The following CALN1 variants were observed in gnomAD, a reference collection of about 807,000 sequenced individuals.
CALN1 encodes calcium-binding protein 8.
CALN1 carries 17 observed loss-of-function variants against 30.6 expected under a neutral mutation model. The ratio of observed to expected loss-of-function variants is 0.56; its 90% CI spans 0.38 to 0.83. CALN1 has a LOEUF of 0.83. Among genes scored for constraint, CALN1 ranks in the 40% least tolerant of loss-of-function variants. The probability of loss-of-function intolerance (pLI) is 0.00; values close to 1 mark genes in which losing one functional copy is unlikely to be tolerated. For synonymous variants in CALN1, 156 were observed against 131.4 expected (o/e 1.19, Z -1.28); for missense variants, 291 against 354.9 (o/e 0.82, Z 1.45).
At position 72,079,761 on chromosome 7, in the gene CALN1, C is replaced by CTTTT. The variant is rs3065015; in HGVS notation, c.388+26386_388+26389dup. 6.6e-4 allele frequency among the ~76,000 whole-genome samples: 69 copies of CTTTT among 104,042 alleles called. 5 individuals are homozygous for CTTTT. The highest frequency in any genetic ancestry group is 2.4e-3 in the African/African-American group (59 of 25,056). The allele number at this position is 104,042 out of a possible 152,430, so 68.3% of individuals were successfully genotyped here. A position where few individuals can be genotyped will look rare whatever the true frequency, so the allele number is the denominator to read the frequency against. On this transcript the variant is annotated intron_variant, in intron 4 of 6. Coordinates refer to ENST00000395275, the MANE Select transcript of CALN1 (RefSeq NM_031468.4). ...AAATGCCCAAGAGGTTGCCTTTTTC[C>CTTTT]TTTTTTTTTTTTTTTTTTTTTTTTT...
intron 2 of CALN1, among the ~76,000 whole-genome samples, chr7:72,339,052 A>G (rs945712150): frequency 2.0e-5 from 3 of 151,652 alleles, no homozygotes; most frequent in Admixed American, 6.6e-5. Context: ...GATCCCATAA[A>G]TAAGTGAAAA....
At chr7:71,891,341 TC>T (rs930401578) in intron 5 of CALN1, among the ~76,000 whole-genome samples, 1 of 152,222 alleles carries the variant, frequency 6.6e-6, no homozygotes, top group African/African-American at 2.4e-5. Flanking sequence ...CAATTGCTTT[TC>T]AGAAGGCTCA....
At position 71,847,847 on chromosome 7, in the gene CALN1, G is replaced by GAAGAAGAAGAAGA. The variant is rs1562836015; in HGVS notation, c.502-37356_502-37355insTCTTCTTCTTCTT. Among the ~76,000 whole-genome samples, 134 of 134,900 alleles carry GAAGAAGAAGAAGA rather than the reference G, an allele frequency of 9.9e-4. 4 individuals are homozygous for GAAGAAGAAGAAGA. In the East Asian group the frequency reaches 0.022, roughly 22 times the overall value. The allele number at this position is 134,900 out of a possible 152,430, so 88.5% of individuals were successfully genotyped here. ...GGAGAAGGAGAAGGAGAAGGAGAAGGAGAAGAAGAAGAGGAAAGTTTTCCC... is the reference window on the plus strand; with the variant it reads ...GGAGAAGGAGAAGGAGAAGGAGAAGGAAGAAGAAGAAGAAGAAGAAGAAGAGGAAAGTTTTCCC... On this transcript the variant is annotated intron_variant, in intron 5 of 6. Coordinates refer to ENST00000395275, the MANE Select transcript of CALN1 (RefSeq NM_031468.4).
rs527666940 is a variant in CALN1 at position 72,390,239 on chromosome 7, G to A, written c.119+13012C>T. Among the ~76,000 whole-genome samples the A allele has an allele frequency of 8.1e-4, 123 of 152,130 alleles. 1 individual carries two copies. Among genetic ancestry groups the A allele is most frequent in the Non-Finnish European group, 1.3e-3 (89 of 68,032 alleles). ...AGGTCAGGAGTCCCAGACCAGCCTG[G>A]CCAACGTCGTGAAACACCACCTCTA... is the stretch of plus-strand genomic sequence containing the variant. On this transcript the variant is annotated intron_variant, in intron 2 of 6. Coordinates refer to ENST00000395275, the MANE Select transcript of CALN1 (RefSeq NM_031468.4).
At chr7:72,140,263 C>G (rs1809802239) in intron 3 of CALN1, among the ~76,000 whole-genome samples, 1 of 130,478 alleles carries the variant, frequency 7.7e-6, no homozygotes. Context: ...AGAGTGAGAC[C>G]TTGTCTCAAA....
chr7:72,054,488 T>TAC (rs1563015707), intron 4 of CALN1, among the ~76,000 whole-genome samples: 3 of 105,978 alleles, frequency 2.8e-5, no homozygotes, highest in South Asian at 2.9e-4. Context: ...TACATATATA[T>TAC]ATACATATAT....
chr7:72,214,939 T>C (rs1221476280), intron 3 of CALN1, among the ~76,000 whole-genome samples: 1 of 151,794 alleles, frequency 6.6e-6, no homozygotes, highest in Admixed American at 6.6e-5. Flanking sequence ...GATAGGACTA[T>C]CTAGTTGCAG....
chr7:72,151,431 T>C (rs1274510369), intron 3 of CALN1, among the ~76,000 whole-genome samples: 2 of 152,170 alleles, frequency 1.3e-5, no homozygotes, highest in African/African-American at 4.8e-5. Context: ...ACCTCGATTA[T>C]CTCAGTAAAG....
chr7:72,037,604 C>T (rs534477706), intron 4 of CALN1, among the ~76,000 whole-genome samples: 2 of 152,288 alleles, frequency 1.3e-5, no homozygotes, highest in East Asian at 1.9e-4. Context: ...TCATCAGTGA[C>T]CAGAACACAG....
intron 4 of CALN1, among the ~76,000 whole-genome samples, chr7:72,049,664 C>T (rs1275288869): frequency 6.6e-6 from 1 of 151,926 alleles, no homozygotes; most frequent in African/African-American, 2.4e-5. Flanking sequence ...TGCGCCACCA[C>T]GCCCGGCTAT....
chr7:72,258,251 GGC>G (rs1796045199), intron 3 of CALN1, among the ~76,000 whole-genome samples: 2 of 152,068 alleles, frequency 1.3e-5, no homozygotes, highest in Admixed American at 6.5e-5. Context: ...TTATCCATGG[GGC>G]AGCCCTAATT....
rs147738890 is a variant in CALN1, at chr7:72,013,757, T to C, written c.501+9900A>G. ...AATAGATGTAGGATGGTAATGTAAT[T>C]ATACTGTAAATTCCATCTCTATCTT... is the stretch of plus-strand genomic sequence containing the variant. On this transcript the variant is annotated intron_variant, in intron 5 of 6. Coordinates refer to ENST00000395275, the MANE Select transcript of CALN1 (RefSeq NM_031468.4). 2.6e-3 allele frequency among the ~76,000 whole-genome samples: 394 copies of C among 152,264 alleles called. 3 individuals carry two copies. The highest frequency in any genetic ancestry group is 4.7e-3 in the Admixed American group (72 of 15,292).
chr7:72,183,544 G>T (rs1789969667), intron 3 of CALN1, among the ~76,000 whole-genome samples: 1 of 152,172 alleles, frequency 6.6e-6, no homozygotes, highest in Non-Finnish European at 1.5e-5. Context: ...GAAGAGGAAT[G>T]AAGGATGACT....
At chr7:72,048,746 CTCCT>C (rs1563009513) in intron 4 of CALN1, among the ~76,000 whole-genome samples, 1 of 149,162 alleles carries the variant, frequency 6.7e-6, no homozygotes, top group Non-Finnish European at 1.5e-5. Flanking sequence ...TCTTCTCTGC[CTCCT>C]TCCTTCCTTT....
chr7:72,336,900 C>A, intron 2 of CALN1: 1 of 984,606 alleles, frequency 1.0e-6, no homozygotes, highest in South Asian at 4.7e-5. Context: ...GCTCCCTCGG[C>A]GCCCCCGGGC....
intron 5 of CALN1, among the ~76,000 whole-genome samples, chr7:71,898,621 A>G (rs1428977766): frequency 6.6e-6 from 1 of 152,214 alleles, no homozygotes; most frequent in African/African-American, 2.4e-5. Flanking sequence ...GGTTTGAAGA[A>G]GCCCAACAAA....
the CALN1 span, among the ~76,000 whole-genome samples, chr7:72,484,545 C>T: frequency 6.6e-6 from 1 of 152,180 alleles, no homozygotes; most frequent in Admixed American, 6.5e-5. Flanking sequence ...CCCGCCCCCG[C>T]GTAGTTTCCT....
chr7:72,433,336 G>A (rs533501935), intron 1 of CALN1, among the ~76,000 whole-genome samples: 2 of 152,224 alleles, frequency 1.3e-5, no homozygotes, highest in South Asian at 2.1e-4. Context: ...CTCTTAGCAT[G>A]CATCAGCTGT....
the CALN1 span, among the ~76,000 whole-genome samples, chr7:72,488,858 A>AT: frequency 4.6e-5 from 7 of 151,920 alleles, no homozygotes; most frequent in South Asian, 2.1e-4. Context: ...TAATCTTTTT[A>AT]TTTTTTGTAG....
Sources: allele counts gnomAD v4.1 joint callset (sites outside exome capture counted in the v4.1 genomes callset), GRCh38; gene constraint gnomAD v4.1.1; transcripts MANE v1.5; gene names NCBI Gene and HGNC (gene_info 2026-07-23, HGNC 2026-07-21).